Variants in BAZ2A observed in about 807,000 individuals in gnomAD.
BAZ2A encodes the protein bromodomain adjacent to zinc finger domain protein 2A.
In BAZ2A, 34 loss-of-function variants were observed where a neutral mutation model predicts 199.9. The ratio of observed to expected loss-of-function variants is 0.17; its 90% CI spans 0.13 to 0.23. BAZ2A has a LOEUF of 0.23. Among genes scored for constraint, BAZ2A ranks in the 10% least tolerant of loss-of-function variants. The pLI is 1.00. For missense variants in BAZ2A, 2,002 were observed against 2,391.1 expected (o/e 0.84, Z 3.39); for synonymous variants, 857 against 883.9 (o/e 0.97, Z 0.54).
intron 16 of BAZ2A, 50 bp downstream of exon 16, chr12:56,604,167 C>A (rs765087724): frequency 6.5e-7 from 1 of 1,529,754 alleles, no homozygotes; most frequent in Admixed American, 1.9e-5. Flanking sequence ...TATGCTTCAC[C>A]CGCCCCACTT....
intron 1 of BAZ2A, among the ~76,000 whole-genome samples, chr12:56,618,436 T>C (rs1950794519): frequency 6.6e-6 from 1 of 151,994 alleles, no homozygotes; most frequent in South Asian, 2.1e-4. Flanking sequence ...TTGATCAGAA[T>C]GAATTTAACT....
chr12:56,627,902 C>G (rs1038298871), intron 1 of BAZ2A, among the ~76,000 whole-genome samples: 16 of 150,462 alleles, frequency 1.1e-4, no homozygotes, highest in Non-Finnish European at 1.8e-4. Context: ...GAAGAGAAGA[C>G]CAGGCATGGT....
chr12:56,618,273 A>T lies in BAZ2A; in HGVS notation c.-2-741T>A, dbSNP rs149139007. 1.4e-3 allele frequency among the ~76,000 whole-genome samples: 211 copies of T among 152,290 alleles called. 3 individuals carry two copies. Among genetic ancestry groups the T allele is most frequent in the Admixed American group, 7.8e-3 (119 of 15,290 alleles). The stretch of plus-strand genomic sequence containing the variant: ...GTTATGTCTATTATGGTTATTTCCT[A>T]ATGTTTTAGTTTTGTGGCTTAAATA... On this transcript the variant is annotated intron_variant, in intron 1 of 28. Coordinates refer to ENST00000549884, the MANE Select transcript of BAZ2A (RefSeq NM_001300905.2).
At chr12:56,636,766 C>G (rs1461237040), upstream of BAZ2A, 1 of 153,390 alleles carries the variant, frequency 6.5e-6, no homozygotes, top group African/African-American at 2.4e-5. Flanking sequence ...GTGTCCACAC[C>G]CCCATAACTC....
chr12:56,603,583 T>C lies in BAZ2A; in HGVS notation c.3156A>G (p.Glu1052=), dbSNP rs770387737. The C allele has an allele frequency of 1.5e-5, 24 of 1,614,074 alleles. No homozygotes were observed. Among genetic ancestry groups the C allele is most frequent in the Non-Finnish European group, 1.9e-5 (22 of 1,179,902 alleles). The change falls in exon 17 of 29, where the codon GAA becomes GAG. Residue 1052 remains glutamate (E), a synonymous_variant. Coordinates refer to ENST00000549884, the MANE Select transcript of BAZ2A (RefSeq NM_001300905.2). ...CTATAGACTCCTCTTCTTCCTCTTC[T>C]TCCATGCCACTGGTCTCCTCCATGA... The part of the protein sequence containing the change: ...SRIMEETSGM[E]EEEEEESIAA...
Position 56,615,512 on chromosome 12 carries a change from A to T in BAZ2A, c.232T>A (p.Ser78Thr), listed in dbSNP as rs1388835114. Residue 78 changes from serine to threonine, a missense_variant, in exon 3 of 29, where the codon TCA (serine) becomes ACA (threonine). Physicochemically the swap from Ser to Thr is moderately conservative, Grantham distance 58 (BLOSUM62 1). This residue lies in a region of BAZ2A where 641 missense variants were observed against 694.5 expected (regional missense o/e 0.92). Transcript: ENST00000549884. ...LNSAPHSSST[S>T]HLHHPSVAYD... ...GCCACGCTGGGGTGATGGAGGTGTG[A>T]GGTGCTGGAGGAGTGGGGAGCAGAG... is the stretch of plus-strand genomic sequence containing the variant. 2 of 1,613,454 alleles carry T rather than the reference A, an allele frequency of 1.2e-6. No individual in the cohort carries two copies. The highest frequency in any genetic ancestry group is 3.3e-5 in the Admixed American group (2 of 60,008).
chr12:56,601,303 C>T lies in BAZ2A; in HGVS notation c.4171G>A (p.Glu1391Lys). 1 of 1,614,058 alleles carries T rather than the reference C, an allele frequency of 6.2e-7. No homozygotes were observed. Among genetic ancestry groups the T allele is most frequent in the Non-Finnish European group, 8.5e-7 (1 of 1,179,894 alleles). ...APKRRAGDPGEMPQSPTGLGQ... is the reference protein window; with the variant it reads ...APKRRAGDPGKMPQSPTGLGQ... ...AGCCCTGTGGGACTCTGTGGCATTT[C>T]TCCAGGGTCTCCTGCTCGCCTCTTA... The change falls in exon 21 of 29, where the codon GAA becomes AAA. Residue 1391 changes from glutamate to lysine, a missense_variant. Coordinates refer to ENST00000549884, the MANE Select transcript of BAZ2A (RefSeq NM_001300905.2).
rs775297542 is a variant in BAZ2A, at chr12:56,606,646, GT to G, written c.2179del (p.Thr727LeufsTer17). On this transcript the variant is annotated frameshift_variant, in exon 11 of 29. Transcript: ENST00000549884. LOFTEE classifies it high-confidence loss of function. Reference protein sequence around the residue: ...QKVQRGECQTTIQGQARNKRK... With the variant: ...QKVQRGECQTXIQGQARNKRK... Reference sequence around the variant, plus strand: ...GATGTCCCTCACCTGCCCTTGGATAGTAGTCTGACACTCTCCCCGTTGAACC... The same window carrying G: ...GATGTCCCTCACCTGCCCTTGGATAGAGTCTGACACTCTCCCCGTTGAACC... 4.6e-5 allele frequency: 75 copies of G among 1,613,786 alleles called. No homozygotes were observed. The East Asian group carries it at 6.5e-4, about 14-fold the overall frequency.
Position 56,612,228 on chromosome 12 carries a change from T to C in BAZ2A, c.1154A>G (p.Asn385Ser), listed in dbSNP as rs1950580598. The change falls in exon 6 of 29, where the codon AAT becomes AGT. Residue 385 changes from asparagine to serine, a missense_variant. This residue lies in a region of BAZ2A where 641 missense variants were observed against 694.5 expected (regional missense o/e 0.92). Coordinates refer to ENST00000549884, the MANE Select transcript of BAZ2A (RefSeq NM_001300905.2). The stretch of plus-strand genomic sequence containing the variant: ...TTCCTGTTCAGCGTCACTACCATTA[T>C]TCAGGTCAAAGCTGTTATCTAGAAT... ...SVLQDNSFDL[N>S]NGSDAEQEEM... 1 of 1,613,272 alleles carries C rather than the reference T, an allele frequency of 6.2e-7. No homozygotes were observed. Among genetic ancestry groups the C allele is most frequent in the Non-Finnish European group, 8.5e-7 (1 of 1,179,684 alleles).
chr12:56,637,220 G>A (rs1273391370), upstream of BAZ2A, among the ~76,000 whole-genome samples: 5 of 152,190 alleles, frequency 3.3e-5, no homozygotes, highest in Non-Finnish European at 7.3e-5. Context: ...GGATGGGTCT[G>A]GTCCCGGAAA....
chr12:56,631,605 C>T (rs1026989427), upstream of BAZ2A, among the ~76,000 whole-genome samples: 1 of 152,104 alleles, frequency 6.6e-6, no homozygotes, highest in Non-Finnish European at 1.5e-5. Context: ...TGCAACTCAA[C>T]ACTTTGCAGC....
At chr12:56,602,997 A>C (rs1329251717) in intron 18 of BAZ2A, 140 bp from the exon 19 acceptor site, 2 of 1,129,492 alleles carry the variant, frequency 1.8e-6, no homozygotes, top group Admixed American at 5.4e-5. Context: ...TCAGAAGGTG[A>C]TTAAGTTTGG....
At chr12:56,614,305 T>C (rs1950648889) in intron 3 of BAZ2A, 167 bp from the exon 4 acceptor site, 1 of 653,664 alleles carries the variant, frequency 1.5e-6, no homozygotes. Flanking sequence ...TGAGCAGAGA[T>C]GTGCTGGTAA....
chr12:56,617,329 C>G, intron 2 of BAZ2A, 66 bp downstream of exon 2: 2 of 1,379,888 alleles, frequency 1.4e-6, no homozygotes, highest in Non-Finnish European at 1.9e-6. Context: ...AAAATATCCC[C>G]CCATGAATCT....
At chr12:56,630,379 C>G, upstream of BAZ2A, 1 of 657,584 alleles carries the variant, frequency 1.5e-6, no homozygotes, top group Non-Finnish European at 1.9e-6. Context: ...AGTCTCCCCA[C>G]GCGGCCTCCG....
At position 56,601,218 on chromosome 12, in the gene BAZ2A, C is replaced by T. The variant is rs200490051; in HGVS notation, c.4256G>A (p.Arg1419His). The T allele has an allele frequency of 8.8e-5, 142 of 1,614,034 alleles. No individual in the cohort carries two copies. The highest frequency in any genetic ancestry group is 5.6e-4 in the South Asian group (51 of 91,086). The change falls in exon 21 of 29, where the codon CGT (arginine) becomes CAT (histidine). Residue 1419 changes from arginine (R) to histidine (H), a missense_variant. Arg to His is a conservative substitution (Grantham distance 29, BLOSUM62 0). Transcript: ENST00000549884. Reference protein sequence around the residue: ...PSKFFKQMEQRYLTQLTAQPV... With the variant: ...PSKFFKQMEQHYLTQLTAQPV... ...CTGGGCTGTCAGCTGGGTTAGGTAA[C>T]GCTGTTCCATCTGTTTGAAGAACTT...
chr12:56,611,036 T>G (rs1414201059), intron 7 of BAZ2A, among the ~76,000 whole-genome samples: 3 of 152,102 alleles, frequency 2.0e-5, no homozygotes, highest in African/African-American at 7.2e-5. Context: ...TCTCAAAATT[T>G]TAAGCAGTAC....
At chr12:56,624,083 C>T (rs1489865384) in intron 1 of BAZ2A, among the ~76,000 whole-genome samples, 1 of 143,578 alleles carries the variant, frequency 7.0e-6, no homozygotes, top group African/African-American at 2.8e-5. Context: ...TATCTCTACA[C>T]TAAAAAAAAA....
Position 56,601,370 on chromosome 12 carries a change from A to C in BAZ2A, c.4104T>G (p.Ser1368=). 1 of 1,613,938 alleles carries C rather than the reference A, an allele frequency of 6.2e-7. No individual in the cohort carries two copies. The highest frequency in any genetic ancestry group is 8.5e-7 in the Non-Finnish European group (1 of 1,179,854). ...MNRPSAANPC[S]PVQFSSTPLA... ...AGGGCGTGGAAGAGAACTGCACTGG[A>C]GAACAAGGGTTGGCAGCACTAGGTC... is the stretch of plus-strand genomic sequence containing the variant. The change falls in exon 21 of 29, where the codon TCT becomes TCG. Residue 1368 remains serine, a synonymous_variant. Transcript: ENST00000549884.
Sources: gnomAD v4.1 joint callset for allele counts (sites outside exome capture counted in the v4.1 genomes callset) on GRCh38, gnomAD v4.1.1 for gene constraint, gnomAD v4.1.1 regional missense constraint, MANE v1.5 for transcripts, NCBI Gene and HGNC (gene_info 2026-07-23, HGNC 2026-07-21) for gene names.